Variants in SH3BP2 observed in about 807,000 individuals in gnomAD.
SH3BP2 encodes SH3 domain-binding protein 2.
SH3BP2 carries 38 observed loss-of-function variants against 56.2 expected under a neutral mutation model. The observed-to-expected ratio is 0.68, with a 90% CI of 0.52 to 0.89. The LOEUF (loss-of-function observed/expected upper bound fraction) is 0.89, where lower values mean the gene tolerates loss of function less well. SH3BP2 is among the 40% of genes least tolerant of loss of function. The probability of loss-of-function intolerance (pLI) is 0.00; values close to 1 mark genes in which losing one functional copy is unlikely to be tolerated. For missense variants in SH3BP2, 748 were observed against 762.6 expected (o/e 0.98, Z 0.23); for synonymous variants, 346 against 316.7 (o/e 1.09, Z -0.98).
At chr4:2,807,181 C>T (rs1723569925) in intron 1 of SH3BP2, among the ~76,000 whole-genome samples, 2 of 152,214 alleles carry the variant, frequency 1.3e-5, no homozygotes, top group South Asian at 4.1e-4. Flanking sequence ...GGCGGCTTGT[C>T]TCACTGGGCA....
chr4:2,830,527 A>G (rs1724928351), intron 8 of SH3BP2, among the ~76,000 whole-genome samples: 1 of 152,120 alleles, frequency 6.6e-6, no homozygotes, highest in East Asian at 1.9e-4. Flanking sequence ...ACGCCCGGCT[A>G]ATTTTTGTAT....
At position 2,839,174 on chromosome 4, in the gene SH3BP2, C is replaced by CT. The variant is rs978611802; in HGVS notation, c.*5353dup. 1.9e-3 allele frequency: 272 copies of CT among 143,046 alleles called. No individual in the cohort carries two copies. Among genetic ancestry groups the CT allele is most frequent in the Middle Eastern group, 3.6e-3 (1 of 276 alleles). 8.9% of individuals were successfully genotyped at this position (143,046 alleles called of 1,614,324 possible). A position where few individuals can be genotyped will look rare whatever the true frequency, so the allele number is the denominator to read the frequency against. Reference sequence around the variant, plus strand: ...CTTGTTGTCTTTTTCTTTTTCTTTTCTTTTTTTTTTTTTCTGAGACAGGGT... The same window carrying CT: ...CTTGTTGTCTTTTTCTTTTTCTTTTCTTTTTTTTTTTTTTCTGAGACAGGGT... On this transcript the variant is annotated 3_prime_UTR_variant, in exon 13 of 13. Coordinates refer to ENST00000503393, the MANE Select transcript of SH3BP2 (RefSeq NM_001122681.2).
intron 1 of SH3BP2, 88 bp from the exon 2 acceptor site, chr4:2,820,526 G>T: frequency 6.5e-7 from 1 of 1,532,948 alleles, no homozygotes; most frequent in African/African-American, 1.4e-5. Context: ...CTGTGTCCTG[G>T]ATCTTGGCAG....
intron 5 of SH3BP2, 186 bp from the exon 6 acceptor site, chr4:2,827,044 T>C (rs1794395): frequency 4.3e-6 from 3 of 696,908 alleles, no homozygotes; most frequent in Non-Finnish European, 7.9e-6. Context: ...TCTGTCAGCG[T>C]ATCCGTGTGT....
chr4:2,820,626 T>A lies in SH3BP2; in HGVS notation c.9T>A (p.Ala3=), dbSNP rs1479089322. MA[A]EEMHWPVPMK... ...TCCTTTATTGCAGCTTCATGGCGGC[T>A]GAAGAGATGCATTGGCCTGTCCCTA... The change falls in exon 2 of 13, where the codon GCT becomes GCA. Residue 3 remains alanine (A), a synonymous_variant. Coordinates refer to ENST00000503393, the MANE Select transcript of SH3BP2 (RefSeq NM_001122681.2). 1.2e-6 allele frequency: 2 copies of A among 1,614,022 alleles called. No homozygotes were observed. The highest frequency in any genetic ancestry group is 2.7e-5 in the African/African-American group (2 of 74,918).
Position 2,821,382 on chromosome 4 carries a change from A to C in SH3BP2, c.136+629A>C, listed in dbSNP as rs375325090. Among the ~76,000 whole-genome samples the C allele has an allele frequency of 5.3e-5, 8 of 152,214 alleles. No individual in the cohort carries two copies. The East Asian group carries it at 5.8e-4, about 11-fold the overall frequency. Reference sequence around the variant, plus strand: ...TTGGTTCCTGTACGGGCACTGGTTGAGCTGTTCTCCTCTTTGCACAGACAG... The same window carrying C: ...TTGGTTCCTGTACGGGCACTGGTTGCGCTGTTCTCCTCTTTGCACAGACAG... On this transcript the variant is annotated intron_variant, in intron 2 of 12. Coordinates refer to ENST00000503393, the MANE Select transcript of SH3BP2 (RefSeq NM_001122681.2).
chr4:2,826,451 GCT>G (rs1291984611), intron 5 of SH3BP2: 2 of 166,116 alleles, frequency 1.2e-5, no homozygotes, highest in African/African-American at 6.5e-5. Flanking sequence ...TCCGCGTGTT[GCT>G]CTGTGTGTGT....
intron 1 of SH3BP2, among the ~76,000 whole-genome samples, 186 bp from the exon 2 acceptor site, chr4:2,820,428 T>C (rs1553804666): frequency 6.6e-6 from 1 of 152,120 alleles, no homozygotes; most frequent in Non-Finnish European, 1.5e-5. Context: ...GTGGAGCCCG[T>C]GGCTCTGTCT....
intron 1 of SH3BP2, among the ~76,000 whole-genome samples, chr4:2,806,068 G>A (rs1027823116): frequency 2.0e-5 from 3 of 152,252 alleles, no homozygotes; most frequent in Non-Finnish European, 2.9e-5. Context: ...CACTGCTCAA[G>A]TGAGGAAACT....
intron 3 of SH3BP2, among the ~76,000 whole-genome samples, chr4:2,824,354 A>G (rs960672231): frequency 3.3e-5 from 5 of 152,080 alleles, no homozygotes; most frequent in Non-Finnish European, 7.4e-5. Flanking sequence ...GCATCGAGGC[A>G]GGTTTGTCCT....
chr4:2,794,756 C>T (rs1723006953), intron 1 of SH3BP2, among the ~76,000 whole-genome samples: 1 of 152,210 alleles, frequency 6.6e-6, no homozygotes. Context: ...AGAGGGAGGA[C>T]AGGCTCTGGG....
Position 2,833,683 on chromosome 4 carries a change from C to T in SH3BP2, c.1549-14C>T, listed in dbSNP as rs1262399777. On this transcript the variant is annotated splice_polypyrimidine_tract_variant and intron_variant, in intron 12 of 12. Transcript: ENST00000503393. ...CCTGGCCCTGCTGACGCTCCCCCTTCTCTTCCCCCACAGGACTCTAAGTTC... is the reference window on the plus strand; with the variant it reads ...CCTGGCCCTGCTGACGCTCCCCCTTTTCTTCCCCCACAGGACTCTAAGTTC... The T allele has an allele frequency of 2.5e-6, 4 of 1,608,380 alleles. No homozygotes were observed. In the African/African-American group the frequency reaches 5.3e-5, roughly 22 times the overall value.
rs1725372328 is a variant in SH3BP2 at position 2,840,226 on chromosome 4, AAAAAAACC to A, written c.*6399_*6406del. On this transcript the variant is annotated 3_prime_UTR_variant, in exon 13 of 13. Coordinates refer to ENST00000503393, the MANE Select transcript of SH3BP2 (RefSeq NM_001122681.2). The stretch of plus-strand genomic sequence containing the variant: ...TGAGACAGAGTGAGACCCTATCTCA[AAAAAAACC>A]AAAAAAAAAAAAAAAAAAAAGAAAA... The A allele has an allele frequency of 7.0e-6, 1 of 142,730 alleles. No individual in the cohort carries two copies. Among genetic ancestry groups the A allele is most frequent in the African/African-American group, 2.5e-5 (1 of 40,150 alleles). 8.8% of individuals were successfully genotyped at this position (142,730 alleles called of 1,614,324 possible). A position where few individuals can be genotyped will look rare whatever the true frequency, so the allele number is the denominator to read the frequency against.
chr4:2,807,388 C>T (rs1404495418), intron 1 of SH3BP2, among the ~76,000 whole-genome samples: 1 of 152,214 alleles, frequency 6.6e-6, no homozygotes, highest in African/African-American at 2.4e-5. Flanking sequence ...GTTTGTCTGT[C>T]TGTCCTTCTC....
At chr4:2,826,538 CTCTG>C (rs1173046792) in intron 5 of SH3BP2, 20 of 222,522 alleles carry the variant, frequency 9.0e-5, no homozygotes, top group African/African-American at 6.9e-4. Flanking sequence ...CCGCGTGTTG[CTCTG>C]TGTGTGTGTG....
In SH3BP2 at chr4:2,829,776, C is replaced by G. The variant is rs779176176; in HGVS notation, c.870C>G (p.Gly290=). Residue 290 remains glycine, a synonymous_variant, in exon 8 of 13, where the codon GGC becomes GGG. Coordinates refer to ENST00000503393, the MANE Select transcript of SH3BP2 (RefSeq NM_001122681.2). This position sits in a 1 kb window ranked among gnomAD's most constrained non-coding sequence, Gnocchi z 4.9. ...TGAGCACCATGCCCACCGCACCCGG[C>G]CTCCGGAAACCCCCTTGCTTCCGGG... is the stretch of plus-strand genomic sequence containing the variant. ...PPLSTMPTAP[G]LRKPPCFRES... is the part of the protein sequence containing the mutation. The G allele has an allele frequency of 6.2e-7, 1 of 1,613,088 alleles. No homozygotes were observed. Among genetic ancestry groups the G allele is most frequent in the Admixed American group, 1.7e-5 (1 of 60,000 alleles).
At chr4:2,813,266 G>A (rs1723842750) in intron 1 of SH3BP2, among the ~76,000 whole-genome samples, 1 of 152,234 alleles carries the variant, frequency 6.6e-6, no homozygotes, top group South Asian at 2.1e-4. Context: ...CGCCAAGCTG[G>A]GCCGTGGCTG....
chr4:2,827,429 T>C (rs1724730539), intron 6 of SH3BP2, 111 bp downstream of exon 6: 2 of 1,243,914 alleles, frequency 1.6e-6, no homozygotes, highest in African/African-American at 1.5e-5. Flanking sequence ...GCTCTGGCCC[T>C]TTGGCAGTGC....
chr4:2,822,820 G>C, intron 2 of SH3BP2, 115 bp from the exon 3 acceptor site: 1 of 780,628 alleles, frequency 1.3e-6, no homozygotes, highest in Non-Finnish European at 2.2e-6. Flanking sequence ...TCTTCCATTT[G>C]GTAAGGCTTA....
Sources: allele counts gnomAD v4.1 joint callset (sites outside exome capture counted in the v4.1 genomes callset), GRCh38; gene constraint gnomAD v4.1.1; non-coding constraint Gnocchi (gnomAD v3.1); transcripts MANE v1.5; gene names NCBI Gene and HGNC (gene_info 2026-07-23, HGNC 2026-07-21).